Variants in KNDC1 observed in about 807,000 individuals in gnomAD.
KNDC1 encodes the protein kinase non-catalytic C-lobe domain containing 1, also known as kinase non-catalytic C-lobe domain-containing protein 1.
Under a neutral mutation model 172.8 loss-of-function variants are expected in KNDC1, and 106 were observed. That is an observed-to-expected ratio of 0.61 (90% CI 0.52 to 0.72). The LOEUF (loss-of-function observed/expected upper bound fraction) is 0.72, where lower values mean the gene tolerates loss of function less well. KNDC1 is among the 30% of genes least tolerant of loss of function. The pLI is 0.00. For synonymous variants in KNDC1, 1,083 were observed against 1,062.2 expected (o/e 1.02, Z -0.38); for missense variants, 2,325 against 2,394.5 (o/e 0.97, Z 0.61).
At chr10:133,169,975 C>T (rs1338131079) in intron 3 of KNDC1, among the ~76,000 whole-genome samples, 1 of 152,196 alleles carries the variant, frequency 6.6e-6, no homozygotes, top group Non-Finnish European at 1.5e-5. Flanking sequence ...GTTGTTTCCT[C>T]GGGGCCATTT....
chr10:133,170,569 G>GTTCTGTCTC (rs1308132292), intron 3 of KNDC1, among the ~76,000 whole-genome samples: 8 of 152,170 alleles, frequency 5.3e-5, no homozygotes, highest in African/African-American at 1.9e-4. Flanking sequence ...GCTTATGTGC[G>GTTCTGTCTC]TTCTGTCTCT....
chr10:133,197,429 G>A (rs1360740857), intron 11 of KNDC1, among the ~76,000 whole-genome samples: 1 of 152,208 alleles, frequency 6.6e-6, no homozygotes, highest in Non-Finnish European at 1.5e-5. Context: ...AGTCTCGGGT[G>A]GTGCTGGCGT....
chr10:133,175,394 T>C, intron 3 of KNDC1, among the ~76,000 whole-genome samples: 1 of 93,618 alleles, frequency 1.1e-5, no homozygotes, highest in Non-Finnish European at 2.6e-5. Flanking sequence ...GATGGATGGG[T>C]GGATGAATGG....
At chr10:133,168,207 G>C in intron 2 of KNDC1, 47 bp from the exon 3 acceptor site, 1 of 1,567,510 alleles carries the variant, frequency 6.4e-7, no homozygotes, top group Non-Finnish European at 8.8e-7. Context: ...GTTCAGGTTT[G>C]CAGGTGTGAC....
At chr10:133,213,004 G>A (rs1324930307) in intron 24 of KNDC1, 82 bp downstream of exon 24, 4 of 1,248,550 alleles carry the variant, frequency 3.2e-6, no homozygotes, top group Non-Finnish European at 4.4e-6. Flanking sequence ...GCCCTCAGCG[G>A]CTGCTTCCAG....
chr10:133,199,144 T>C lies in KNDC1; in HGVS notation c.2636T>C (p.Val879Ala). Residue 879 changes from valine to alanine, a missense_variant, in exon 14 of 30, where the codon GTG becomes GCG. Transcript: ENST00000304613. ...GACCGGAGGCTCTGTCTGCCCTGCG[T>C]GGATGCCTCGCCACTCCCAGGGAGG... ...PADRRLCLPC[V>A]DASPLPGRTA... The C allele has an allele frequency of 6.3e-7, 1 of 1,594,364 alleles. No homozygotes were observed. The highest frequency in any genetic ancestry group is 1.1e-5 in the South Asian group (1 of 88,216).
chr10:133,199,094 T>G lies in KNDC1; in HGVS notation c.2586T>G (p.Ser862Arg), dbSNP rs192932685. 1.2e-6 allele frequency: 2 copies of G among 1,608,480 alleles called. No homozygotes were observed. Among genetic ancestry groups the G allele is most frequent in the Non-Finnish European group, 1.7e-6 (2 of 1,178,284 alleles). The change falls in exon 14 of 30, where the codon AGT becomes AGG. Residue 862 changes from serine to arginine, a missense_variant. By Grantham distance (110) the Ser-to-Arg change is moderately radical. Transcript: ENST00000304613. ...AGERDDQSPD[S>R]VPERPRPADR... ...AACGTGATGACCAGAGTCCAGACAG[T>G]GTCCCAGAGAGGCCGCGGCCCGCAG...
rs776156819 is a variant in KNDC1 at position 133,200,446 on chromosome 10, C to T, written c.2975C>T (p.Ser992Leu). Residue 992 changes from serine (S) to leucine (L), a missense_variant, in exon 16 of 30, where the codon TCG becomes TTG. Physicochemically the swap from Ser to Leu is moderately radical, Grantham distance 145 (BLOSUM62 -2). Transcript: ENST00000304613. Reference protein sequence around the residue: ...SPRSPSSKRPSLHRLGKEKPA... With the variant: ...SPRSPSSKRPLLHRLGKEKPA... ...CGCTCCCCGTCCAGCAAGAGGCCGT[C>T]GCTGCACCGCCTGGGTAAGTGCTGG... is the stretch of plus-strand genomic sequence containing the variant. 21 of 1,585,702 alleles carry T rather than the reference C, an allele frequency of 1.3e-5. No individual in the cohort carries two copies. The highest frequency in any genetic ancestry group is 1.7e-4 in the Middle Eastern group (1 of 6,006).
At chr10:133,204,979 C>G (rs1464776674) in intron 17 of KNDC1, among the ~76,000 whole-genome samples, 1 of 152,206 alleles carries the variant, frequency 6.6e-6, no homozygotes, top group East Asian at 1.9e-4. Context: ...CATGGACCCC[C>G]AAGACTTCCC....
In KNDC1 at chr10:133,225,049, G is replaced by A. The variant is rs952902516; in HGVS notation, c.*159G>A. 7 of 632,806 alleles carry A rather than the reference G, an allele frequency of 1.1e-5. No homozygotes were observed. Among genetic ancestry groups the A allele is most frequent in the South Asian group, 1.9e-5 (1 of 52,188 alleles). 39.2% of individuals were successfully genotyped at this position (632,806 alleles called of 1,614,324 possible). A position where few individuals can be genotyped will look rare whatever the true frequency, so the allele number is the denominator to read the frequency against. ...GAGGTGGAGGCTCAGGGGACCCCATGGGGACAGGCAGAGCTGGTCTCCTCC... is the reference window on the plus strand; with the variant it reads ...GAGGTGGAGGCTCAGGGGACCCCATAGGGACAGGCAGAGCTGGTCTCCTCC... On this transcript the variant is annotated 3_prime_UTR_variant, in exon 30 of 30. Transcript: ENST00000304613.
intron 9 of KNDC1, among the ~76,000 whole-genome samples, chr10:133,195,250 T>C (rs1209714971): frequency 1.3e-5 from 2 of 152,106 alleles, no homozygotes; most frequent in Non-Finnish European, 2.9e-5. Context: ...TTGTTAGCCA[T>C]GTAGCAGCAC....
intron 17 of KNDC1, 43 bp from the exon 18 acceptor site, chr10:133,206,642 T>G (rs559654090): frequency 6.5e-7 from 1 of 1,541,572 alleles, no homozygotes; most frequent in Non-Finnish European, 9.0e-7. Flanking sequence ...GGCTGACGTG[T>G]GTTGGGGCTG....
At chr10:133,189,847 G>A (rs1216151361) in intron 9 of KNDC1, 34 bp downstream of exon 9, 3 of 1,561,844 alleles carry the variant, frequency 1.9e-6, no homozygotes, top group Middle Eastern at 2.0e-4. Context: ...CCCCAGCCCT[G>A]CCCCCAGCCC....
At chr10:133,221,808 G>A (rs559770704) in intron 29 of KNDC1, among the ~76,000 whole-genome samples, 6 of 151,840 alleles carry the variant, frequency 4.0e-5, no homozygotes, top group African/African-American at 1.5e-4. Flanking sequence ...CAGACGCGGC[G>A]GCTCACGCCT....
intron 1 of KNDC1, 63 bp downstream of exon 1, chr10:133,160,632 G>A: frequency 9.0e-6 from 11 of 1,217,582 alleles, no homozygotes; most frequent in Non-Finnish European, 1.3e-5. Context: ...AGAGCGCCCG[G>A]GGGGAGGACC....
At chr10:133,211,310 C>T (rs572335962) in intron 21 of KNDC1, 112 bp from the exon 22 acceptor site, 2 of 999,838 alleles carry the variant, frequency 2.0e-6, no homozygotes, top group African/African-American at 3.3e-5. Flanking sequence ...GCCCCCTGCA[C>T]ACATGGAGCC....
chr10:133,200,378 G>C lies in KNDC1; in HGVS notation c.2907G>C (p.Thr969=), dbSNP rs768104424. The change falls in exon 16 of 30, where the codon ACG becomes ACC. Residue 969 remains threonine, a synonymous_variant. Coordinates refer to ENST00000304613, the MANE Select transcript of KNDC1 (RefSeq NM_152643.8). ...TGACCTGCATTCTCGTCGTCAGCAC[G>C]GCCGAGGAGGCTGGGTCACAGCTCG... ...VNGQASPSPS[T]AEEAGSQLEG... 4 of 1,588,428 alleles carry C rather than the reference G, an allele frequency of 2.5e-6. No individual in the cohort carries two copies. The highest frequency in any genetic ancestry group is 1.8e-5 in the Admixed American group (1 of 57,138).
intron 3 of KNDC1, among the ~76,000 whole-genome samples, chr10:133,176,094 G>GTAGA (rs1179356709): frequency 6.6e-6 from 1 of 151,604 alleles, no homozygotes; most frequent in Non-Finnish European, 1.5e-5. Context: ...GGGTGGATGG[G>GTAGA]TAGATACATG....
In KNDC1 at chr10:133,219,063, G is replaced by A. The variant is rs201954611; in HGVS notation, c.4833G>A (p.Glu1611=). 4 of 1,614,046 alleles carry A rather than the reference G, an allele frequency of 2.5e-6. No individual in the cohort carries two copies. The highest frequency in any genetic ancestry group is 1.7e-4 in the Middle Eastern group (1 of 6,042). ...GAATTCTGCCTGCAAAGATAGCAGA[G>A]GTCATGGAGGAGCTGAAAGCCGTGG... is the stretch of plus-strand genomic sequence containing the variant. ...AWRILPAKIA[E]VMEELKAVEV... The change falls in exon 28 of 30, where the codon GAG becomes GAA. Residue 1611 remains glutamate (E), a synonymous_variant. Transcript: ENST00000304613.
Sources: gnomAD v4.1 joint callset for allele counts (sites outside exome capture counted in the v4.1 genomes callset) on GRCh38, gnomAD v4.1.1 for gene constraint, MANE v1.5 for transcripts, NCBI Gene and HGNC (gene_info 2026-07-23, HGNC 2026-07-21) for gene names.